SNX29: variants seen among roughly 807,000 people sequenced by gnomAD.
SNX29 encodes sorting nexin-29.
Under a neutral mutation model 102.1 loss-of-function variants are expected in SNX29, and 78 were observed. The observed-to-expected ratio is 0.76, with a 90% CI of 0.64 to 0.92. The LOEUF is 0.92. Ranked by LOEUF, SNX29 falls within the 40% of genes least tolerant of loss-of-function variation. The pLI is 0.00. For synonymous variants in SNX29, 580 were observed against 414.5 expected, an observed-to-expected ratio of 1.40 and a Z score of -4.85; for missense variants, 1,280 against 1,061.7, an observed-to-expected ratio of 1.21 and a Z score of -2.86.
intron 18 of SNX29, among the ~76,000 whole-genome samples, chr16:12,437,049 C>T (rs1412119612): frequency 6.6e-6 from 1 of 152,180 alleles, no homozygotes; most frequent in East Asian, 1.9e-4. Flanking sequence ...AAGTAGCAAA[C>T]CTGAGATTCT....
intron 14 of SNX29, among the ~76,000 whole-genome samples, chr16:12,230,629 C>T (rs546255937): frequency 2.6e-5 from 4 of 152,232 alleles, no homozygotes; most frequent in East Asian, 1.9e-4. Flanking sequence ...TGTTTTTTAA[C>T]GAATGAGCAG....
At chr16:12,011,611 T>A (rs1369670119) in intron 3 of SNX29, among the ~76,000 whole-genome samples, 1 of 152,126 alleles carries the variant, frequency 6.6e-6, no homozygotes, top group Non-Finnish European at 1.5e-5. Flanking sequence ...AAATTAATAT[T>A]TGTCTTACTT....
intron 15 of SNX29, among the ~76,000 whole-genome samples, chr16:12,297,949 C>G (rs1246849268): frequency 6.6e-6 from 1 of 152,174 alleles, no homozygotes; most frequent in East Asian, 1.9e-4. Context: ...GTGGGCAGAT[C>G]ACTTGAGGCC....
chr16:12,068,218 T>C (rs950202813), intron 9 of SNX29, among the ~76,000 whole-genome samples: 1 of 152,054 alleles, frequency 6.6e-6, no homozygotes, highest in Non-Finnish European at 1.5e-5. Flanking sequence ...TGCTCACATC[T>C]GTAATCCCAG....
chr16:12,257,385 A>C (rs970664477), intron 14 of SNX29, among the ~76,000 whole-genome samples: 1 of 152,108 alleles, frequency 6.6e-6, no homozygotes, highest in African/African-American at 2.4e-5. Flanking sequence ...ATACTCTCCT[A>C]TCTCAAGGTC....
At chr16:12,429,166 C>T (rs189883632) in intron 18 of SNX29, among the ~76,000 whole-genome samples, 68 of 152,308 alleles carry the variant, frequency 4.5e-4, no homozygotes, top group African/African-American at 1.5e-3. Flanking sequence ...ATTAATATCT[C>T]TTCCTAGTTA....
intron 18 of SNX29, among the ~76,000 whole-genome samples, chr16:12,475,161 G>A (rs776939376): frequency 6.6e-6 from 1 of 152,196 alleles, no homozygotes; most frequent in Non-Finnish European, 1.5e-5. Context: ...AGGTTGCACT[G>A]CTTGTCTGAT....
chr16:12,388,274 A>T (rs757218590), intron 16 of SNX29, among the ~76,000 whole-genome samples: 12 of 152,180 alleles, frequency 7.9e-5, no homozygotes, highest in Non-Finnish European at 1.6e-4. Flanking sequence ...TGGGCATGTC[A>T]CTTAGCTTCT....
At chr16:12,462,495 A>G (rs2086851051) in intron 18 of SNX29, among the ~76,000 whole-genome samples, 1 of 152,214 alleles carries the variant, frequency 6.6e-6, no homozygotes, top group African/African-American at 2.4e-5. Flanking sequence ...AAATCTTGAA[A>G]GAAGATAAAC....
intron 16 of SNX29, among the ~76,000 whole-genome samples, chr16:12,382,884 C>T (rs374485360): frequency 1.3e-5 from 2 of 151,984 alleles, no homozygotes. Flanking sequence ...ATAAGGACAC[C>T]TGCCATGGGA....
At chr16:12,371,444 C>T (rs1444758102) in intron 16 of SNX29, among the ~76,000 whole-genome samples, 1 of 152,162 alleles carries the variant, frequency 6.6e-6, no homozygotes, top group Non-Finnish European at 1.5e-5. Context: ...ACTATAGGTG[C>T]ATACCACCAT....
intron 20 of SNX29, among the ~76,000 whole-genome samples, chr16:12,542,472 C>CA (rs2077386445): frequency 6.6e-6 from 1 of 152,236 alleles, no homozygotes; most frequent in African/African-American, 2.4e-5. Context: ...GCTGGGATTA[C>CA]AGGGACCCAC....
chr16:12,055,359 G>A (rs1226910859), intron 8 of SNX29, among the ~76,000 whole-genome samples: 2 of 151,480 alleles, frequency 1.3e-5, no homozygotes, highest in Non-Finnish European at 2.9e-5. Flanking sequence ...TCAGCCTCTC[G>A]AGTAGCTGGG....
rs994647714 is a variant in SNX29 at position 12,543,798 on chromosome 16, T to C, written c.2318+18957T>C. On this transcript the variant is annotated intron_variant, in intron 20 of 20. Coordinates refer to ENST00000566228, the MANE Select transcript of SNX29 (RefSeq NM_032167.5). ...CAAGATGTATCTGGTGCTCTAGAGA[T>C]TTCTCCCAGCCCATGAGACAGGGAC... Among the ~76,000 whole-genome samples, 11 of 152,198 alleles carry C rather than the reference T, an allele frequency of 7.2e-5. No homozygotes were observed. In the Middle Eastern group the frequency reaches 0.01, roughly 141 times the overall value.
chr16:12,464,155 C>T (rs756266367), intron 18 of SNX29, among the ~76,000 whole-genome samples: 3 of 151,152 alleles, frequency 2.0e-5, no homozygotes, highest in Non-Finnish European at 4.4e-5. Context: ...GTAATACGAT[C>T]CCCTCCAGGT....
intron 20 of SNX29, among the ~76,000 whole-genome samples, chr16:12,543,902 C>G (rs911622021): frequency 6.6e-6 from 1 of 152,206 alleles, no homozygotes; most frequent in African/African-American, 2.4e-5. Flanking sequence ...TTCCTTCATC[C>G]TGGATTGCCG....
At position 12,450,844 on chromosome 16, in the gene SNX29, C is replaced by T. The variant is rs1243713699; in HGVS notation, c.2038-26875C>T. ...GACCATTTGGAGGTCCTGGCAAGTA[C>T]AGCTGATGAAGGACCAAGGGCAGGA... On this transcript the variant is annotated intron_variant, in intron 18 of 20. Transcript: ENST00000566228. 3.9e-5 allele frequency among the ~76,000 whole-genome samples: 6 copies of T among 152,114 alleles called. 1 individual carries two copies. Among genetic ancestry groups the T allele is most frequent in the Admixed American group, 3.9e-4 (6 of 15,274 alleles).
intron 1 of SNX29, among the ~76,000 whole-genome samples, chr16:11,995,341 A>G (rs571903821): frequency 1.4e-3 from 208 of 152,204 alleles, no homozygotes; most frequent in Non-Finnish European, 2.5e-3. Flanking sequence ...TGCTGGGATT[A>G]TAGGTGTGAG....
intron 3 of SNX29, among the ~76,000 whole-genome samples, chr16:12,026,969 C>G (rs1216009898): frequency 6.6e-6 from 1 of 152,180 alleles, no homozygotes; most frequent in Non-Finnish European, 1.5e-5. Context: ...CAATTAACAT[C>G]CAACCGCTCC....
Sources: gnomAD v4.1 joint callset for allele counts (sites outside exome capture counted in the v4.1 genomes callset) on GRCh38, gnomAD v4.1.1 for gene constraint, MANE v1.5 for transcripts, NCBI Gene and HGNC (gene_info 2026-07-23, HGNC 2026-07-21) for gene names.